Variants in ALCAM observed in about 807,000 individuals in gnomAD.
The protein encoded by ALCAM is CD166 antigen.
In ALCAM, 30 loss-of-function variants were observed where a neutral mutation model predicts 70.9. The observed-to-expected ratio is 0.42, with a 90% CI of 0.32 to 0.57. The LOEUF is 0.57. Among genes scored for constraint, ALCAM ranks in the 20% least tolerant of loss-of-function variants. The pLI, the probability that ALCAM is intolerant of heterozygous loss-of-function variation, is 0.11. For missense variants in ALCAM, 591 were observed against 695.1 expected (o/e 0.85, Z 1.68); for synonymous variants, 249 against 242.5 (o/e 1.03, Z -0.25).
Position 105,520,736 on chromosome 3 carries a change from G to T in ALCAM, c.174+569G>T, listed in dbSNP as rs1348740624. ...CTTCTCAGGTATGAAGGTACAAGTG[G>T]GTCTGAAAATGGAGGGTAGAGATCC... On this transcript the variant is annotated intron_variant, in intron 2 of 15. Coordinates refer to ENST00000306107, the MANE Select transcript of ALCAM (RefSeq NM_001627.4). Among the ~76,000 whole-genome samples, 4 of 152,218 alleles carry T rather than the reference G, an allele frequency of 2.6e-5. No individual in the cohort carries two copies. In the East Asian group the frequency reaches 7.7e-4, roughly 29 times the overall value.
chr3:105,431,639 A>T (rs1260800919), intron 1 of ALCAM, among the ~76,000 whole-genome samples: 1 of 152,098 alleles, frequency 6.6e-6, no homozygotes, highest in Non-Finnish European at 1.5e-5. Flanking sequence ...TATAGTGTCT[A>T]CAGGAAAGGG....
At chr3:105,539,754 T>C (rs367742537) in intron 6 of ALCAM, among the ~76,000 whole-genome samples, 7 of 152,176 alleles carry the variant, frequency 4.6e-5, no homozygotes, top group African/African-American at 1.7e-4. Flanking sequence ...TAAGAAGAAA[T>C]TGATTTTTAT....
intron 1 of ALCAM, among the ~76,000 whole-genome samples, chr3:105,392,074 G>T (rs117949928): frequency 6.6e-6 from 1 of 151,906 alleles, no homozygotes; most frequent in African/African-American, 2.4e-5. Context: ...TCACGATAAT[G>T]CTGGTCTCAC....
At chr3:105,418,552 G>A (rs529013274) in intron 1 of ALCAM, among the ~76,000 whole-genome samples, 2 of 151,636 alleles carry the variant, frequency 1.3e-5, no homozygotes, top group East Asian at 1.9e-4. Context: ...GTAGAGTAAC[G>A]TGTTCTAAAA....
chr3:105,468,912 A>C (rs939097328), intron 1 of ALCAM, among the ~76,000 whole-genome samples: 5 of 151,346 alleles, frequency 3.3e-5, no homozygotes, highest in Non-Finnish European at 7.4e-5. Context: ...AATCTTGAGC[A>C]TGAATGCTTA....
At chr3:105,490,555 G>A (rs1938554075) in intron 1 of ALCAM, among the ~76,000 whole-genome samples, 2 of 152,152 alleles carry the variant, frequency 1.3e-5, no homozygotes, top group Non-Finnish European at 2.9e-5. Flanking sequence ...CTGTGCATGT[G>A]TGTTGTTTGT....
intron 6 of ALCAM, among the ~76,000 whole-genome samples, chr3:105,535,572 A>G (rs1379471168): frequency 6.6e-6 from 1 of 152,170 alleles, no homozygotes; most frequent in African/African-American, 2.4e-5. Flanking sequence ...TGGGAAAAAT[A>G]TAATACCTAA....
chr3:105,391,999 A>G lies in ALCAM; in HGVS notation c.73+24518A>G, dbSNP rs187206698. 6.6e-3 allele frequency among the ~76,000 whole-genome samples: 1,001 copies of G among 151,912 alleles called. 9 individuals are homozygous for G. The highest frequency in any genetic ancestry group is 0.011 in the Non-Finnish European group (748 of 67,912). ...CCAGTGTTTTATTGATGATTTTTAC[A>G]TCAGTGTTCTTCAGGGATATTGGCC... On this transcript the variant is annotated intron_variant, in intron 1 of 15. Coordinates refer to ENST00000306107, the MANE Select transcript of ALCAM (RefSeq NM_001627.4).
chr3:105,548,040 T>C (rs1264492973), intron 11 of ALCAM, among the ~76,000 whole-genome samples: 1 of 151,488 alleles, frequency 6.6e-6, no homozygotes, highest in Non-Finnish European at 1.5e-5. Context: ...TATGCAGTGC[T>C]AGGGCCAGAA....
rs542298345 is a variant in ALCAM at position 105,395,780 on chromosome 3, G to T, written c.73+28299G>T. Among the ~76,000 whole-genome samples, 26 of 152,084 alleles carry T rather than the reference G, an allele frequency of 1.7e-4. No individual in the cohort carries two copies. The South Asian group carries it at 5.4e-3, about 32-fold the overall frequency. On this transcript the variant is annotated intron_variant, in intron 1 of 15. Coordinates refer to ENST00000306107, the MANE Select transcript of ALCAM (RefSeq NM_001627.4). ...ACGAATTTAAATTAAGGGCATGAAG[G>T]CTATCAGTTCTGTCTGTCTCAATTC... is the stretch of plus-strand genomic sequence containing the variant.
chr3:105,421,171 A>G (rs1377940122), intron 1 of ALCAM, among the ~76,000 whole-genome samples: 1 of 151,514 alleles, frequency 6.6e-6, no homozygotes, highest in Non-Finnish European at 1.5e-5. Context: ...ATTTTTTTGT[A>G]GAGATGAACA....
intron 1 of ALCAM, among the ~76,000 whole-genome samples, chr3:105,401,172 A>T (rs1936079355): frequency 6.6e-6 from 1 of 152,256 alleles, no homozygotes; most frequent in African/African-American, 2.4e-5. Flanking sequence ...TACTGATTCC[A>T]CAAGGAACAC....
intron 1 of ALCAM, among the ~76,000 whole-genome samples, chr3:105,505,548 G>A (rs931664834): frequency 6.6e-6 from 1 of 152,162 alleles, no homozygotes; most frequent in African/African-American, 2.4e-5. Flanking sequence ...CATATCATAT[G>A]CCCAGCAGGA....
At position 105,390,446 on chromosome 3, in the gene ALCAM, T is replaced by C. The variant is rs181411838; in HGVS notation, c.73+22965T>C. ...CTTTGCCCACTTTTTAATGGGGTTGTTGGGTTTTTTTCTTGTAAATTTCTT... is the reference window on the plus strand; with the variant it reads ...CTTTGCCCACTTTTTAATGGGGTTGCTGGGTTTTTTTCTTGTAAATTTCTT... On this transcript the variant is annotated intron_variant, in intron 1 of 15. Transcript: ENST00000306107. 8.0e-3 allele frequency among the ~76,000 whole-genome samples: 1,220 copies of C among 152,046 alleles called. 13 individuals carry two copies. Among genetic ancestry groups the C allele is most frequent in the Middle Eastern group, 0.01 (3 of 294 alleles).
chr3:105,534,715 C>G lies in ALCAM; in HGVS notation c.600C>G (p.Thr200=). Residue 200 remains threonine (T), a synonymous_variant, in exon 6 of 16, where the codon ACC becomes ACG. Coordinates refer to ENST00000306107, the MANE Select transcript of ALCAM (RefSeq NM_001627.4). ...TGGACCCAGTGACTCAGCTCTATAC[C>G]ATGACTTCCACCCTGGAGTACAAGA... is the stretch of plus-strand genomic sequence containing the variant. ...KEMDPVTQLY[T]MTSTLEYKTT... The G allele has an allele frequency of 6.2e-7, 1 of 1,613,768 alleles. No homozygotes were observed. Among genetic ancestry groups the G allele is most frequent in the Non-Finnish European group, 8.5e-7 (1 of 1,179,784 alleles).
chr3:105,508,911 ACT>A (rs3996195), intron 1 of ALCAM, among the ~76,000 whole-genome samples: 36,656 of 151,338 alleles, frequency 0.24, 5,009 homozygotes, highest in East Asian at 0.44. Context: ...ATCACCATCC[ACT>A]CTCTGTTTCT....
intron 1 of ALCAM, among the ~76,000 whole-genome samples, chr3:105,392,710 C>T (rs1008831904): frequency 5.3e-5 from 8 of 151,840 alleles, no homozygotes; most frequent in Non-Finnish European, 8.8e-5. Context: ...TTGATTTGGG[C>T]ATTTAGTGCT....
intron 6 of ALCAM, among the ~76,000 whole-genome samples, chr3:105,538,796 C>T (rs890720196): frequency 2.6e-5 from 4 of 152,062 alleles, no homozygotes; most frequent in Non-Finnish European, 5.9e-5. Flanking sequence ...TCAGGCAAAT[C>T]CAGAAAAACA....
chr3:105,458,487 G>C (rs901508231), intron 1 of ALCAM, among the ~76,000 whole-genome samples: 2 of 152,056 alleles, frequency 1.3e-5, no homozygotes, highest in African/African-American at 4.8e-5. Flanking sequence ...TGGATGTTTT[G>C]TCTTTGATAT....
Sources: allele counts gnomAD v4.1 joint callset (sites outside exome capture counted in the v4.1 genomes callset), GRCh38; gene constraint gnomAD v4.1.1; transcripts MANE v1.5; gene names NCBI Gene and HGNC (gene_info 2026-07-23, HGNC 2026-07-21).